The following MYO5C variants were observed in gnomAD, a reference collection of about 807,000 sequenced individuals.
MYO5C encodes the protein myosin VC.
In MYO5C, 194 loss-of-function variants were observed where a neutral mutation model predicts 235.7. The observed-to-expected ratio is 0.82, with a 90% CI of 0.73 to 0.93. MYO5C has a LOEUF of 0.93. MYO5C is among the 40% of genes least tolerant of loss of function. MYO5C has a pLI of 0.00. For synonymous variants in MYO5C, 707 were observed against 754.8 expected, an observed-to-expected ratio of 0.94 and a Z score of 1.04; for missense variants, 2,038 against 2,127.2, an observed-to-expected ratio of 0.96 and a Z score of 0.82.
intron 3 of MYO5C, 139 bp downstream of exon 3, chr15:52,279,370 T>G (rs1596227513): frequency 1.2e-6 from 1 of 825,032 alleles, no homozygotes; most frequent in East Asian, 2.7e-5. Flanking sequence ...TAGTTCTTGT[T>G]GAAGATTCTC....
At chr15:52,194,428 C>A (rs2035001029) in intron 40 of MYO5C, among the ~76,000 whole-genome samples, 1 of 152,254 alleles carries the variant, frequency 6.6e-6, no homozygotes, top group Admixed American at 6.5e-5. Flanking sequence ...GGGTTTGCAA[C>A]CTTTTTGGTC....
intron 22 of MYO5C, 58 bp downstream of exon 22, chr15:52,237,424 C>A: frequency 6.4e-7 from 1 of 1,562,350 alleles, no homozygotes; most frequent in South Asian, 1.2e-5. Flanking sequence ...TGGCAGCGCT[C>A]ATCTTTTTCA....
At chr15:52,275,764 G>A in intron 4 of MYO5C, 46 bp from the exon 5 acceptor site, 1 of 1,584,714 alleles carries the variant, frequency 6.3e-7, no homozygotes, top group East Asian at 2.2e-5. Context: ...TCCCATTAAA[G>A]AGGCAACATG....
At chr15:52,257,891 C>A (rs996031491) in intron 10 of MYO5C, among the ~76,000 whole-genome samples, 2 of 152,196 alleles carry the variant, frequency 1.3e-5, no homozygotes, top group Admixed American at 1.3e-4. Context: ...TCTGGAATTC[C>A]TGGGCAGGGT....
Position 52,218,608 on chromosome 15 carries a change from T to C in MYO5C, c.3865A>G (p.Ser1289Gly), listed in dbSNP as rs763743089. 6.2e-7 allele frequency: 1 copy of C among 1,614,232 alleles called. No homozygotes were observed. The highest frequency in any genetic ancestry group is 1.1e-5 in the South Asian group (1 of 91,084). ...IDKIQEMQEA[S>G]DHLKKQFETE... The stretch of plus-strand genomic sequence containing the variant: ...TCAAATTGTTTCTTCAAGTGGTCAC[T>C]GGCCTCCTGCATTTCTTGAATCTTA... The change falls in exon 32 of 41, where the codon AGT (serine) becomes GGT (glycine). Residue 1289 changes from serine to glycine, a missense_variant. Coordinates refer to ENST00000261839, the MANE Select transcript of MYO5C (RefSeq NM_018728.4).
At chr15:52,248,211 T>C (rs1464629749) in intron 14 of MYO5C, among the ~76,000 whole-genome samples, 1 of 152,174 alleles carries the variant, frequency 6.6e-6, no homozygotes, top group African/African-American at 2.4e-5. Flanking sequence ...GGCGCAATCA[T>C]GGCTCACTGC....
intron 20 of MYO5C, among the ~76,000 whole-genome samples, chr15:52,241,729 GGTGTGT>G (rs370672907): frequency 2.0e-5 from 3 of 149,496 alleles, no homozygotes; most frequent in South Asian, 4.2e-4. Flanking sequence ...CAGTGCAACT[GGTGTGT>G]GTGTGTGTGT....
Position 52,218,657 on chromosome 15 carries a change from G to C in MYO5C, c.3816C>G (p.Thr1272=). 1 of 1,614,044 alleles carries C rather than the reference G, an allele frequency of 6.2e-7. No homozygotes were observed. Among genetic ancestry groups the C allele is most frequent in the Non-Finnish European group, 8.5e-7 (1 of 1,180,004 alleles). Residue 1272 remains threonine, a synonymous_variant, in exon 32 of 41, where the codon ACC becomes ACG. Transcript: ENST00000261839. ...KALEAQNEIH[T]KEKEKLIDKI... ...TATCAATCAGCTTCTCCTTCTCTTT[G>C]GTATGTATTTCATTTTGGGCTTCCA... is the stretch of plus-strand genomic sequence containing the variant.
intron 30 of MYO5C, 81 bp downstream of exon 30, chr15:52,221,081 T>C (rs1020248137): frequency 3.5e-5 from 39 of 1,103,400 alleles, no homozygotes; most frequent in Non-Finnish European, 4.5e-5. Context: ...TTAAAAGCCC[T>C]GAGTACAAGG....
chr15:52,208,653 A>G lies in MYO5C; in HGVS notation c.4297-10T>C. 1 of 1,611,986 alleles carries G rather than the reference A, an allele frequency of 6.2e-7. No individual in the cohort carries two copies. The highest frequency in any genetic ancestry group is 1.1e-5 in the South Asian group (1 of 91,022). The stretch of plus-strand genomic sequence containing the variant: ...AGTCTTCTAAATGTTCCTTAGGAAA[A>G]TAAGAAAAGACAAAATTGGTCTTGA... On this transcript the variant is annotated splice_polypyrimidine_tract_variant and intron_variant, in intron 35 of 40. Coordinates refer to ENST00000261839, the MANE Select transcript of MYO5C (RefSeq NM_018728.4).
chr15:52,280,001 G>A (rs908020798), intron 2 of MYO5C, among the ~76,000 whole-genome samples: 3 of 152,070 alleles, frequency 2.0e-5, no homozygotes, highest in African/African-American at 7.2e-5. Flanking sequence ...AAGCTACAAG[G>A]GCAGAGATCC....
intron 1 of MYO5C, among the ~76,000 whole-genome samples, chr15:52,290,858 G>T (rs2037373943): frequency 6.6e-6 from 1 of 151,360 alleles, no homozygotes; most frequent in Non-Finnish European, 1.5e-5. Context: ...TGTAAAGTCT[G>T]TATTTAGGTA....
chr15:52,215,407 G>A (rs890329728), intron 32 of MYO5C, among the ~76,000 whole-genome samples: 4 of 152,210 alleles, frequency 2.6e-5, no homozygotes, highest in Non-Finnish European at 5.9e-5. Context: ...TTCCACATCT[G>A]AGCATTTGAC....
intron 1 of MYO5C, among the ~76,000 whole-genome samples, 196 bp downstream of exon 1, chr15:52,295,414 G>A (rs1343385038): frequency 6.6e-6 from 1 of 152,188 alleles, no homozygotes; most frequent in South Asian, 2.1e-4. Flanking sequence ...CCGGGGCCCT[G>A]GAGGGGCGAC....
At chr15:52,257,443 G>A (rs1289625177) in intron 10 of MYO5C, among the ~76,000 whole-genome samples, 1 of 152,198 alleles carries the variant, frequency 6.6e-6, no homozygotes, top group Non-Finnish European at 1.5e-5. Flanking sequence ...ATGGATGAAT[G>A]CGGCCCAGGA....
chr15:52,250,758 T>A (rs534118112), intron 13 of MYO5C, among the ~76,000 whole-genome samples: 5 of 152,302 alleles, frequency 3.3e-5, no homozygotes, highest in Admixed American at 3.3e-4. Context: ...AACCAGGACA[T>A]GGGAGGAGGT....
At position 52,290,721 on chromosome 15, in the gene MYO5C, C is replaced by A. The variant is rs998751961; in HGVS notation, c.27+4889G>T. On this transcript the variant is annotated intron_variant, in intron 1 of 40. Coordinates refer to ENST00000261839, the MANE Select transcript of MYO5C (RefSeq NM_018728.4). ...TTCACCAGTATCGTAGATGAAAAAACAAAACACATGTATCAAACAAGCAGA... is the reference window on the plus strand; with the variant it reads ...TTCACCAGTATCGTAGATGAAAAAAAAAAACACATGTATCAAACAAGCAGA... Among the ~76,000 whole-genome samples, 7 of 150,816 alleles carry A rather than the reference C, an allele frequency of 4.6e-5. No individual in the cohort carries two copies. In the South Asian group the frequency reaches 1.3e-3, roughly 27 times the overall value.
chr15:52,203,489 G>A (rs1250386319), intron 38 of MYO5C, among the ~76,000 whole-genome samples: 1 of 152,090 alleles, frequency 6.6e-6, no homozygotes, highest in African/African-American at 2.4e-5. Context: ...GGGATTACAG[G>A]CATGTGCCAC....
chr15:52,293,309 C>T (rs1008309259), intron 1 of MYO5C, among the ~76,000 whole-genome samples: 5 of 152,180 alleles, frequency 3.3e-5, no homozygotes, highest in South Asian at 2.1e-4. Flanking sequence ...ATGCATTCCC[C>T]GCTGGCCTGT....
Sources: gnomAD v4.1 joint callset for allele counts (sites outside exome capture counted in the v4.1 genomes callset) on GRCh38, gnomAD v4.1.1 for gene constraint, MANE v1.5 for transcripts, NCBI Gene and HGNC (gene_info 2026-07-23, HGNC 2026-07-21) for gene names.